The following ORC2 variants were observed in gnomAD, a reference collection of about 807,000 sequenced individuals.
ORC2 encodes the protein origin recognition complex protein 2 homolog.
ORC2 carries 37 observed loss-of-function variants against 77.7 expected under a neutral mutation model. The ratio of observed to expected loss-of-function variants is 0.48; its 90% CI spans 0.37 to 0.63. The LOEUF (loss-of-function observed/expected upper bound fraction) is 0.63, where lower values mean the gene tolerates loss of function less well. Ranked by LOEUF, ORC2 falls within the 20% of genes least tolerant of loss-of-function variation. The pLI, the probability that ORC2 is intolerant of heterozygous loss-of-function variation, is 0.00. For missense variants in ORC2, 557 were observed against 661.9 expected, an observed-to-expected ratio of 0.84 and a Z score of 1.74; for synonymous variants, 201 against 229.5, an observed-to-expected ratio of 0.88 and a Z score of 1.12.
At chr2:200,917,370 T>C (rs1460326079) in intron 15 of ORC2, among the ~76,000 whole-genome samples, 2 of 152,132 alleles carry the variant, frequency 1.3e-5, no homozygotes, top group African/African-American at 4.8e-5. Context: ...CAGGTTCGTC[T>C]CAAACTCCTG....
At chr2:200,942,921 C>A (rs2041182120) in intron 5 of ORC2, 144 bp from the exon 6 acceptor site, 6 of 446,688 alleles carry the variant, frequency 1.3e-5, no homozygotes, top group Non-Finnish European at 2.4e-5. Flanking sequence ...AGGAGTAATA[C>A]TGCTTTCACC....
intron 15 of ORC2, among the ~76,000 whole-genome samples, chr2:200,914,648 A>G (rs990999523): frequency 1.3e-5 from 2 of 152,160 alleles, no homozygotes; most frequent in Non-Finnish European, 2.9e-5. Context: ...GCATACTGGT[A>G]TGCGCCTATG....
intron 12 of ORC2, among the ~76,000 whole-genome samples, chr2:200,926,153 C>T (rs1338417956): frequency 6.6e-6 from 1 of 151,980 alleles, no homozygotes; most frequent in Non-Finnish European, 1.5e-5. Flanking sequence ...CAAAGATGTA[C>T]AGGTAATAGG....
intron 15 of ORC2, among the ~76,000 whole-genome samples, chr2:200,918,708 C>T (rs1273702993): frequency 6.6e-6 from 1 of 152,052 alleles, no homozygotes; most frequent in Non-Finnish European, 1.5e-5. Context: ...AGGATAGTCT[C>T]GAACTCCTGA....
In ORC2 at chr2:200,910,399, AG is replaced by A. The variant is rs1285888705; in HGVS notation, c.*901del. The A allele has an allele frequency of 4.6e-5, 7 of 152,238 alleles. No individual in the cohort carries two copies. Among genetic ancestry groups the A allele is most frequent in the African/African-American group, 1.7e-4 (7 of 41,472 alleles). 9.4% of individuals were successfully genotyped at this position (152,238 alleles called of 1,614,324 possible). A position where few individuals can be genotyped will look rare whatever the true frequency, so the allele number is the denominator to read the frequency against. On this transcript the variant is annotated 3_prime_UTR_variant, in exon 18 of 18. Transcript: ENST00000234296. ...AGTGAGTTTTAGGTCTACTTGACAGAGGAATCAAAATTAATTTACAGCCAGC... is the reference window on the plus strand; with the variant it reads ...AGTGAGTTTTAGGTCTACTTGACAGAGAATCAAAATTAATTTACAGCCAGC...
intron 13 of ORC2, among the ~76,000 whole-genome samples, chr2:200,923,192 G>C (rs1381102789): frequency 6.6e-6 from 1 of 152,154 alleles, no homozygotes; most frequent in African/African-American, 2.4e-5. Context: ...TACAGGGTTA[G>C]GTTCAATATA....
intron 4 of ORC2, among the ~76,000 whole-genome samples, chr2:200,955,635 A>T (rs1447706207): frequency 1.3e-5 from 2 of 152,232 alleles, no homozygotes; most frequent in African/African-American, 2.4e-5. Context: ...ACACATGTAC[A>T]TGAAGAAAAT....
intron 12 of ORC2, among the ~76,000 whole-genome samples, chr2:200,926,424 A>G (rs1468549823): frequency 6.6e-6 from 1 of 152,248 alleles, no homozygotes; most frequent in Non-Finnish European, 1.5e-5. Context: ...TGCATTTTAA[A>G]GCATTTTCAC....
chr2:200,910,475 C>T lies in ORC2; in HGVS notation c.*826G>A, dbSNP rs2040532261. 1 of 152,088 alleles carries T rather than the reference C, an allele frequency of 6.6e-6. No homozygotes were observed. The highest frequency in any genetic ancestry group is 6.6e-5 in the Admixed American group (1 of 15,266). 9.4% of individuals were successfully genotyped at this position (152,088 alleles called of 1,614,324 possible). ...GTTGTTCAAGAAAAGAAAAATATGT[C>T]AATATACAAGAATAATGAAATGTTT... On this transcript the variant is annotated 3_prime_UTR_variant, in exon 18 of 18. Transcript: ENST00000234296.
intron 8 of ORC2, among the ~76,000 whole-genome samples, chr2:200,936,701 T>C (rs1323409916): frequency 6.6e-6 from 1 of 152,196 alleles, no homozygotes; most frequent in Non-Finnish European, 1.5e-5. Flanking sequence ...CTTATGATTA[T>C]AATTATTACT....
At chr2:200,913,908 T>C in intron 16 of ORC2, 23 bp downstream of exon 16, 1 of 1,573,726 alleles carries the variant, frequency 6.4e-7, no homozygotes, top group Non-Finnish European at 8.6e-7. Flanking sequence ...ATTACACAAT[T>C]GAATGTCATA....
At chr2:200,933,481 G>A (rs1002369229) in intron 10 of ORC2, among the ~76,000 whole-genome samples, 10 of 152,152 alleles carry the variant, frequency 6.6e-5, no homozygotes, top group Non-Finnish European at 1.5e-4. Context: ...CTATGACCCT[G>A]ATGATTATCA....
intron 5 of ORC2, among the ~76,000 whole-genome samples, chr2:200,949,205 C>T (rs1239811219): frequency 2.7e-5 from 4 of 150,776 alleles, no homozygotes; most frequent in Non-Finnish European, 4.4e-5. Flanking sequence ...TGCACCACTG[C>T]ACTCCAGCTT....
Position 200,909,697 on chromosome 2 carries a change from T to TAAAAA in ORC2, c.*1599_*1603dup, listed in dbSNP as rs570537972. On this transcript the variant is annotated 3_prime_UTR_variant, in exon 18 of 18. Coordinates refer to ENST00000234296, the MANE Select transcript of ORC2 (RefSeq NM_006190.5). The stretch of plus-strand genomic sequence containing the variant: ...GACTGGATGACAGTGCAATTCCATC[T>TAAAAA]AAAAAAAAAAAAAAAAAAAAAAAGA... 1 of 51,336 alleles carries TAAAAA rather than the reference T, an allele frequency of 1.9e-5. No homozygotes were observed. The highest frequency in any genetic ancestry group is 3.8e-5 in the Non-Finnish European group (1 of 26,152). 3.2% of individuals were successfully genotyped at this position (51,336 alleles called of 1,614,324 possible).
chr2:200,930,766 T>G (rs890503534), intron 11 of ORC2, among the ~76,000 whole-genome samples: 3 of 152,138 alleles, frequency 2.0e-5, no homozygotes, highest in African/African-American at 7.2e-5. Flanking sequence ...GAAAGTATTA[T>G]GTTTTGATTT....
intron 9 of ORC2, among the ~76,000 whole-genome samples, chr2:200,935,256 G>A (rs929945115): frequency 1.3e-5 from 2 of 152,180 alleles, no homozygotes; most frequent in African/African-American, 4.8e-5. Context: ...CCGCGTAGCT[G>A]GGATTACAGG....
At chr2:200,930,355 T>A (rs948462793) in intron 11 of ORC2, among the ~76,000 whole-genome samples, 1 of 152,114 alleles carries the variant, frequency 6.6e-6, no homozygotes, top group Non-Finnish European at 1.5e-5. Context: ...AATTAAGTTA[T>A]CTAAGTTGAC....
intron 7 of ORC2, among the ~76,000 whole-genome samples, chr2:200,940,635 C>T (rs16836081): frequency 0.028 from 4,317 of 151,784 alleles, 214 homozygotes; most frequent in African/African-American, 0.099. Context: ...AGCCTTGCCT[C>T]TACTAAAAAT....
chr2:200,939,862 A>C (rs2041115952), intron 7 of ORC2, among the ~76,000 whole-genome samples: 1 of 152,246 alleles, frequency 6.6e-6, no homozygotes, highest in South Asian at 2.1e-4. Flanking sequence ...ATTCTTGATT[A>C]GATTATGGCA....
Sources: gnomAD v4.1 joint callset for allele counts (sites outside exome capture counted in the v4.1 genomes callset) on GRCh38, gnomAD v4.1.1 for gene constraint, MANE v1.5 for transcripts, NCBI Gene and HGNC (gene_info 2026-07-23, HGNC 2026-07-21) for gene names.